The following FHL2 variants were observed in gnomAD, a reference collection of about 807,000 sequenced individuals.
The protein encoded by FHL2 is four and a half LIM domains 2, also known as four and a half LIM domains protein 2.
Under a neutral mutation model 32.7 loss-of-function variants are expected in FHL2, and 20 were observed. That is an observed-to-expected ratio of 0.61 (90% CI 0.43 to 0.89). The LOEUF is 0.89. FHL2 is among the 40% of genes least tolerant of loss of function. The pLI is 0.00. For synonymous variants in FHL2, 123 were observed against 128.1 expected, an observed-to-expected ratio of 0.96 and a Z score of 0.27; for missense variants, 311 against 358.6, an observed-to-expected ratio of 0.87 and a Z score of 1.07.
chr2:105,404,150 AC>A (rs1411788448), upstream of FHL2, among the ~76,000 whole-genome samples: 1 of 152,186 alleles, frequency 6.6e-6, no homozygotes, highest in Non-Finnish European at 1.5e-5. Context: ...TGGAGGTCAG[AC>A]CGCCCTATGT....
chr2:105,399,302 TG>T (rs1306176743), upstream of FHL2: 6 of 1,535,590 alleles, frequency 3.9e-6, no homozygotes, highest in East Asian at 2.4e-5. Flanking sequence ...GCCTCCGGCG[TG>T]GGCTCTCGGG....
chr2:105,404,671 G>T (rs1239489069), intron 1 of FHL2, among the ~76,000 whole-genome samples: 1 of 152,158 alleles, frequency 6.6e-6, no homozygotes, highest in Non-Finnish European at 1.5e-5. Context: ...TCCAAACTTT[G>T]TTTCTCTGCC....
chr2:105,375,951 T>G (rs1467357140), intron 3 of FHL2: 1 of 152,182 alleles, frequency 6.6e-6, no homozygotes, highest in Non-Finnish European at 1.5e-5. Flanking sequence ...GACAAACTGC[T>G]TTGATTTGAG....
chr2:105,363,307 A>G lies in FHL2; in HGVS notation c.666T>C (p.Ala222=). 1 of 1,614,138 alleles carries G rather than the reference A, an allele frequency of 6.2e-7. No homozygotes were observed. ...CACCGCTGATGGGGTTGGTGCACCC[A>G]GCACACTTCTTGGCATACAAGTCAC... The part of the protein sequence containing the change: ...CFCDLYAKKC[A]GCTNPISGLG... The change falls in exon 6 of 7, where the codon GCT becomes GCC. Residue 222 remains alanine (A), a synonymous_variant. Transcript: ENST00000530340.
upstream of FHL2, among the ~76,000 whole-genome samples, chr2:105,401,478 T>C (rs1683466747): frequency 6.6e-6 from 1 of 152,208 alleles, no homozygotes; most frequent in Non-Finnish European, 1.5e-5. Context: ...AATGAAAACA[T>C]TTTTAAATTA....
At chr2:105,394,601 GAAAGAAAGAAAGAAAGAGAAA>G (rs1682992807) in intron 2 of FHL2, among the ~76,000 whole-genome samples, 1 of 150,410 alleles carries the variant, frequency 6.6e-6, no homozygotes, top group Non-Finnish European at 1.5e-5. Flanking sequence ...AGAAAAGAAG[GAAAGAAAGAAAGAAAGAGAAA>G]AAAGAAAGAA....
intron 1 of FHL2, among the ~76,000 whole-genome samples, chr2:105,419,501 T>C (rs187420792): frequency 3.5e-4 from 53 of 152,318 alleles, no homozygotes; most frequent in African/African-American, 1.2e-3. Context: ...TCCTCCCATC[T>C]TCCATACCAA....
chr2:105,379,012 G>A (rs1681685470), intron 3 of FHL2, among the ~76,000 whole-genome samples: 1 of 152,084 alleles, frequency 6.6e-6, no homozygotes, highest in South Asian at 2.1e-4. Flanking sequence ...TATCACTGTG[G>A]GTCAAGCGCC....
chr2:105,382,043 C>T (rs1295092987), intron 3 of FHL2, among the ~76,000 whole-genome samples: 2 of 152,202 alleles, frequency 1.3e-5, no homozygotes, highest in African/African-American at 4.8e-5. Flanking sequence ...TGAAAACCTT[C>T]GTCTCCTATT....
chr2:105,394,932 T>C (rs917963240), intron 2 of FHL2, among the ~76,000 whole-genome samples: 39 of 152,240 alleles, frequency 2.6e-4, no homozygotes, highest in Admixed American at 3.9e-4. Flanking sequence ...CTTTTGAATA[T>C]TGAATACTAA....
intron 1 of FHL2, among the ~76,000 whole-genome samples, chr2:105,423,984 A>C (rs1272064957): frequency 6.6e-6 from 1 of 152,210 alleles, no homozygotes; most frequent in Non-Finnish European, 1.5e-5. Flanking sequence ...TTCATGACTA[A>C]AACACCAAAA....
upstream of FHL2, among the ~76,000 whole-genome samples, chr2:105,403,336 C>T (rs1279745830): frequency 6.6e-6 from 1 of 152,196 alleles, no homozygotes; most frequent in Admixed American, 6.5e-5. Context: ...AAAATAAAAA[C>T]AAAAAGTACT....
At chr2:105,422,206 C>T (rs750997170) in intron 1 of FHL2, among the ~76,000 whole-genome samples, 2 of 152,202 alleles carry the variant, frequency 1.3e-5, no homozygotes, top group Non-Finnish European at 2.9e-5. Context: ...ATGTTTGTAA[C>T]TTGTTTGCTT....
At chr2:105,404,130 A>G (rs561199013), upstream of FHL2, among the ~76,000 whole-genome samples, 1 of 152,324 alleles carries the variant, frequency 6.6e-6, no homozygotes, top group African/African-American at 2.4e-5. Flanking sequence ...GAACACAGGA[A>G]AACATGAGCT....
intron 1 of FHL2, among the ~76,000 whole-genome samples, chr2:105,425,609 A>G (rs1231981905): frequency 2.6e-5 from 4 of 151,762 alleles, no homozygotes; most frequent in East Asian, 3.9e-4. Context: ...CATTTGTTCA[A>G]CTCTGAGATA....
intron 1 of FHL2, 96 bp downstream of exon 1, chr2:105,398,746 C>T (rs1683321870): frequency 9.3e-7 from 1 of 1,079,282 alleles, no homozygotes; most frequent in African/African-American, 1.7e-5. Flanking sequence ...CGGGTCTACC[C>T]CACAGCTCAA....
intron 1 of FHL2, among the ~76,000 whole-genome samples, chr2:105,421,962 T>C (rs2104669709): frequency 6.6e-6 from 1 of 152,360 alleles, no homozygotes; most frequent in South Asian, 2.1e-4. Context: ...CTGGTACATC[T>C]TTTTGTTCCC....
At chr2:105,413,635 C>A (rs1189744643) in intron 1 of FHL2, among the ~76,000 whole-genome samples, 3 of 152,150 alleles carry the variant, frequency 2.0e-5, no homozygotes, top group African/African-American at 7.2e-5. Context: ...CCACACCCAA[C>A]TAATCTTTTT....
At chr2:105,402,251 A>T (rs1683498852), upstream of FHL2, among the ~76,000 whole-genome samples, 1 of 151,014 alleles carries the variant, frequency 6.6e-6, no homozygotes, top group Admixed American at 6.6e-5. Flanking sequence ...GTGTGTGTAT[A>T]TATATATGTA....
Sources: allele counts gnomAD v4.1 joint callset (sites outside exome capture counted in the v4.1 genomes callset), GRCh38; gene constraint gnomAD v4.1.1; transcripts MANE v1.5; gene names NCBI Gene and HGNC (gene_info 2026-07-23, HGNC 2026-07-21).